The following L3MBTL4 variants were observed in gnomAD, a reference collection of about 807,000 sequenced individuals.
L3MBTL4 encodes the protein L3MBTL histone methyl-lysine binding protein 4.
L3MBTL4 carries 70 observed loss-of-function variants against 84.5 expected under a neutral mutation model. That is an observed-to-expected ratio of 0.83 (90% CI 0.68 to 1.01). The LOEUF (loss-of-function observed/expected upper bound fraction) is 1.01. L3MBTL4 is among the 50% of genes least tolerant of loss of function. The pLI is 0.00. For synonymous variants in L3MBTL4, 274 were observed against 259.8 expected, an observed-to-expected ratio of 1.05 and a Z score of -0.52; for missense variants, 715 against 754.8, an observed-to-expected ratio of 0.95 and a Z score of 0.62.
chr18:6,015,133 G>A (rs898660016), intron 16 of L3MBTL4, among the ~76,000 whole-genome samples: 6 of 152,138 alleles, frequency 3.9e-5, no homozygotes, highest in Non-Finnish European at 8.8e-5. Context: ...GGATAGAGAT[G>A]AGGGCTGAAG....
intron 16 of L3MBTL4, among the ~76,000 whole-genome samples, chr18:6,077,682 A>G (rs576662464): frequency 6.6e-6 from 1 of 151,880 alleles, no homozygotes; most frequent in Admixed American, 6.6e-5. Flanking sequence ...ACCTCCCCTC[A>G]TAGAAGAAAT....
chr18:6,058,818 T>A (rs1598596181), intron 16 of L3MBTL4, among the ~76,000 whole-genome samples: 2 of 152,210 alleles, frequency 1.3e-5, no homozygotes, highest in East Asian at 3.8e-4. Flanking sequence ...CATGTTAATC[T>A]GATACCGGGA....
intron 13 of L3MBTL4, among the ~76,000 whole-genome samples, chr18:6,140,279 A>G (rs964459290): frequency 5.3e-5 from 8 of 152,044 alleles, no homozygotes; most frequent in Admixed American, 1.3e-4. Context: ...CTTAGATTCT[A>G]TCAACTGTTA....
chr18:6,134,849 C>G (rs981783965), intron 14 of L3MBTL4, among the ~76,000 whole-genome samples: 11 of 152,184 alleles, frequency 7.2e-5, no homozygotes, highest in African/African-American at 2.7e-4. Flanking sequence ...ATTCTGGGGT[C>G]TGGAGGACAG....
At chr18:6,322,822 T>C (rs1368436278) in intron 1 of L3MBTL4, among the ~76,000 whole-genome samples, 2 of 152,070 alleles carry the variant, frequency 1.3e-5, no homozygotes, top group Non-Finnish European at 2.9e-5. Flanking sequence ...GATCTAGTAT[T>C]TGATAGCACA....
intron 16 of L3MBTL4, among the ~76,000 whole-genome samples, chr18:5,991,587 G>T (rs515938): frequency 6.6e-6 from 1 of 151,948 alleles, no homozygotes; most frequent in South Asian, 2.1e-4. Context: ...TAACTAGAGC[G>T]AGGAAAGAGG....
At chr18:5,988,617 A>C (rs2053561129) in intron 16 of L3MBTL4, among the ~76,000 whole-genome samples, 1 of 152,178 alleles carries the variant, frequency 6.6e-6, no homozygotes, top group South Asian at 2.1e-4. Context: ...TTCAATCATC[A>C]ATGTCCAGAG....
At chr18:6,351,612 C>T (rs947890982) in intron 1 of L3MBTL4, among the ~76,000 whole-genome samples, 3 of 151,548 alleles carry the variant, frequency 2.0e-5, no homozygotes, top group African/African-American at 4.8e-5. Flanking sequence ...AGTGCAGTGG[C>T]GTGATCTCGG....
In L3MBTL4 at chr18:6,032,607, G is replaced by C. The variant is rs578178103; in HGVS notation, c.1444+48274C>G. Reference sequence around the variant, plus strand: ...ACCATTTTAAGTATATAGTTCAGTGGTATTAAATACATCCCTAATGTTATG... The same window carrying C: ...ACCATTTTAAGTATATAGTTCAGTGCTATTAAATACATCCCTAATGTTATG... On this transcript the variant is annotated intron_variant, in intron 16 of 18. Coordinates refer to ENST00000317931, the MANE Select transcript of L3MBTL4 (RefSeq NM_001330559.2). 6.6e-5 allele frequency among the ~76,000 whole-genome samples: 10 copies of C among 151,842 alleles called. No individual in the cohort carries two copies. The East Asian group carries it at 1.9e-3, about 29-fold the overall frequency.
intron 1 of L3MBTL4, among the ~76,000 whole-genome samples, chr18:6,402,139 T>C (rs2055538180): frequency 6.6e-6 from 1 of 152,222 alleles, no homozygotes; most frequent in Non-Finnish European, 1.5e-5. Flanking sequence ...TAAAACAAAA[T>C]TCCAGAGTGT....
At chr18:6,319,631 G>A (rs573246435) in intron 1 of L3MBTL4, among the ~76,000 whole-genome samples, 5 of 151,744 alleles carry the variant, frequency 3.3e-5, no homozygotes, top group Admixed American at 1.3e-4. Flanking sequence ...AGTTTCAATC[G>A]TAATATTTAA....
intron 16 of L3MBTL4, among the ~76,000 whole-genome samples, chr18:6,002,274 A>G (rs75347950): frequency 0.051 from 7,802 of 152,230 alleles, 471 homozygotes; most frequent in Admixed American, 0.17. Context: ...TTTTCAGTAG[A>G]CCTGCCTTGT....
rs937779475 is a variant in L3MBTL4 at position 6,114,762 on chromosome 18, T to C, written c.1200-21234A>G. ...AAAAAAGCTTACAAAAGCTATCTTA[T>C]TGGTTTCCATCCACTGGTGTGCCAG... is the stretch of plus-strand genomic sequence containing the variant. On this transcript the variant is annotated intron_variant, in intron 14 of 18. Coordinates refer to ENST00000317931, the MANE Select transcript of L3MBTL4 (RefSeq NM_001330559.2). Among the ~76,000 whole-genome samples, 3 of 152,250 alleles carry C rather than the reference T, an allele frequency of 2.0e-5. 1 individual carries two copies. The highest frequency in any genetic ancestry group is 4.1e-4 in the South Asian group (2 of 4,836).
intron 17 of L3MBTL4, among the ~76,000 whole-genome samples, chr18:5,965,394 G>A (rs1275191897): frequency 6.6e-6 from 1 of 152,190 alleles, no homozygotes; most frequent in African/African-American, 2.4e-5. Flanking sequence ...TTCTGCTGCA[G>A]ACACGCTGTT....
intron 18 of L3MBTL4, 26 bp downstream of exon 18, chr18:5,960,068 A>G (rs749750253): frequency 1.4e-6 from 1 of 733,590 alleles, no homozygotes; most frequent in Non-Finnish European, 2.1e-6. Context: ...ATACATATAT[A>G]TATATATAAT....
chr18:6,078,877 C>A (rs1365134544), intron 16 of L3MBTL4, among the ~76,000 whole-genome samples: 1 of 152,130 alleles, frequency 6.6e-6, no homozygotes, highest in Non-Finnish European at 1.5e-5. Flanking sequence ...ACAGTCCCAT[C>A]TGGGGGTGAT....
intron 1 of L3MBTL4, among the ~76,000 whole-genome samples, chr18:6,347,081 T>C (rs1476045759): frequency 1.3e-5 from 2 of 152,100 alleles, no homozygotes; most frequent in Non-Finnish European, 2.9e-5. Context: ...AAACAGATGA[T>C]AAATCCTGTA....
At chr18:6,351,637 C>T (rs1328153815) in intron 1 of L3MBTL4, among the ~76,000 whole-genome samples, 2 of 151,864 alleles carry the variant, frequency 1.3e-5, no homozygotes, top group African/African-American at 4.8e-5. Context: ...CTGCAAGCTC[C>T]GCCTCCCGGG....
chr18:6,414,489 A>G lies in L3MBTL4; in HGVS notation c.-91+312T>C, dbSNP rs2056110085. 1.3e-5 allele frequency among the ~76,000 whole-genome samples: 2 copies of G among 151,944 alleles called. No individual in the cohort carries two copies. The highest frequency in any genetic ancestry group is 2.0e-4 in the East Asian group (1 of 5,100). ...CCAGGTAGCCGCGCCTGGCACCCCG[A>G]CCCTGCCCTCGCGGCTGACCGAGGC... On this transcript the variant is annotated intron_variant, in intron 1 of 18. Transcript: ENST00000317931. This position sits in a 1 kb window ranked among gnomAD's most constrained non-coding sequence, Gnocchi z 5.4.
Sources: allele counts gnomAD v4.1 joint callset (sites outside exome capture counted in the v4.1 genomes callset), GRCh38; gene constraint gnomAD v4.1.1; non-coding constraint Gnocchi (gnomAD v3.1); transcripts MANE v1.5; gene names NCBI Gene and HGNC (gene_info 2026-07-23, HGNC 2026-07-21).